The following CNTNAP2 variants were observed in gnomAD, a reference collection of about 807,000 sequenced individuals.
CNTNAP2 encodes the protein contactin associated protein 2, also known as contactin-associated protein-like 2.
Under a neutral mutation model 155.2 loss-of-function variants are expected in CNTNAP2, and 98 were observed. The observed-to-expected ratio is 0.63, with a 90% confidence interval of 0.54 to 0.75. The LOEUF is 0.75. Among genes scored for constraint, CNTNAP2 ranks in the 30% least tolerant of loss-of-function variants. The pLI is 0.00. For synonymous variants in CNTNAP2, 651 were observed against 631.2 expected (o/e 1.03, Z -0.47); for missense variants, 1,727 against 1,688.1 (o/e 1.02, Z -0.40).
chr7:146,979,522 G>A (rs1797974605), intron 3 of CNTNAP2, among the ~76,000 whole-genome samples: 2 of 152,096 alleles, frequency 1.3e-5, no homozygotes, highest in Admixed American at 6.6e-5. Flanking sequence ...ACAATTTAAG[G>A]TTTCACAGCC....
chr7:146,160,242 AAAAATCT>A (rs1798196732), intron 1 of CNTNAP2, among the ~76,000 whole-genome samples: 1 of 152,218 alleles, frequency 6.6e-6, no homozygotes, highest in African/African-American at 2.4e-5. Flanking sequence ...AGAAAGCAGG[AAAAATCT>A]AAAATTGACA....
At chr7:147,833,026 A>T (rs971288204) in intron 13 of CNTNAP2, among the ~76,000 whole-genome samples, 97 of 151,166 alleles carry the variant, frequency 6.4e-4, no homozygotes, top group African/African-American at 2.2e-3. Context: ...TAAATAATTT[A>T]AAAATTTATA....
chr7:146,150,921 T>C (rs1798027469), intron 1 of CNTNAP2, among the ~76,000 whole-genome samples: 1 of 152,068 alleles, frequency 6.6e-6, no homozygotes, highest in Non-Finnish European at 1.5e-5. Context: ...GGGTAATTTA[T>C]AAAGGAAAGA....
chr7:147,123,012 ATATT>A (rs1801152692), intron 6 of CNTNAP2: 1 of 152,296 alleles, frequency 6.6e-6, no homozygotes, highest in South Asian at 2.1e-4. Flanking sequence ...TATACGATAT[ATATT>A]CTTAAATAAA....
At chr7:147,963,814 A>G (rs991611358) in intron 14 of CNTNAP2, among the ~76,000 whole-genome samples, 1 of 152,142 alleles carries the variant, frequency 6.6e-6, no homozygotes, top group Non-Finnish European at 1.5e-5. Flanking sequence ...GCATTGTTAC[A>G]TATTAGTATA....
intron 8 of CNTNAP2, among the ~76,000 whole-genome samples, chr7:147,296,514 A>G (rs1805448776): frequency 6.6e-6 from 1 of 152,252 alleles, no homozygotes; most frequent in Non-Finnish European, 1.5e-5. Flanking sequence ...AAGATAAGAA[A>G]TAACATTTAT....
At chr7:147,141,559 AAC>A (rs1801598018) in intron 8 of CNTNAP2, among the ~76,000 whole-genome samples, 2 of 152,156 alleles carry the variant, frequency 1.3e-5, no homozygotes, top group Non-Finnish European at 2.9e-5. Flanking sequence ...ATTAAAAAAA[AAC>A]ACAGGAATAG....
intron 1 of CNTNAP2, among the ~76,000 whole-genome samples, chr7:146,360,505 C>G (rs1187675371): frequency 1.3e-5 from 2 of 151,588 alleles, no homozygotes; most frequent in Non-Finnish European, 2.9e-5. Flanking sequence ...AATCCAAGTG[C>G]TATGAAGGTT....
chr7:148,166,577 T>A (rs1173899337), intron 17 of CNTNAP2, among the ~76,000 whole-genome samples: 1 of 152,206 alleles, frequency 6.6e-6, no homozygotes, highest in Non-Finnish European at 1.5e-5. Context: ...CTTCTGTGCA[T>A]TTTACAGTTG....
intron 9 of CNTNAP2, among the ~76,000 whole-genome samples, chr7:147,321,671 C>G (rs546703550): frequency 6.6e-6 from 1 of 152,266 alleles, no homozygotes; most frequent in East Asian, 1.9e-4. Flanking sequence ...CCAAGCATTT[C>G]TCTTAACATG....
intron 13 of CNTNAP2, among the ~76,000 whole-genome samples, chr7:147,734,208 G>A (rs539260198): frequency 2.0e-5 from 3 of 152,236 alleles, no homozygotes; most frequent in South Asian, 4.1e-4. Context: ...CTAATTTATT[G>A]AGAGTTTTTA....
At chr7:146,421,337 C>G (rs1796009535) in intron 1 of CNTNAP2, among the ~76,000 whole-genome samples, 1 of 151,942 alleles carries the variant, frequency 6.6e-6, no homozygotes, top group Non-Finnish European at 1.5e-5. Flanking sequence ...AAGCATAATG[C>G]TAGTTGTGAA....
intron 8 of CNTNAP2, among the ~76,000 whole-genome samples, chr7:147,178,789 T>C (rs1294207364): frequency 1.3e-5 from 2 of 152,222 alleles, no homozygotes. Context: ...AATTTCTTGA[T>C]GTAGGTTATG....
At chr7:146,921,211 AATTAT>A (rs1244012005) in intron 3 of CNTNAP2, among the ~76,000 whole-genome samples, 1 of 152,156 alleles carries the variant, frequency 6.6e-6, no homozygotes, top group Non-Finnish European at 1.5e-5. Flanking sequence ...TTGTGGTGGT[AATTAT>A]ATTATGTGTT....
At chr7:148,306,444 C>G (rs2116509101) in intron 21 of CNTNAP2, among the ~76,000 whole-genome samples, 1 of 152,266 alleles carries the variant, frequency 6.6e-6, no homozygotes, top group South Asian at 2.1e-4. Flanking sequence ...TATCAGACCC[C>G]ATGGACTGAT....
chr7:147,061,135 T>C (rs1220682614), intron 4 of CNTNAP2, among the ~76,000 whole-genome samples: 1 of 151,962 alleles, frequency 6.6e-6, no homozygotes, highest in African/African-American at 2.4e-5. Context: ...GAAGAGGAAA[T>C]GTAGAATTAC....
chr7:146,129,491 T>G (rs1211540645), intron 1 of CNTNAP2, among the ~76,000 whole-genome samples: 1 of 152,318 alleles, frequency 6.6e-6, no homozygotes, highest in African/African-American at 2.4e-5. Flanking sequence ...ATTTCCTTCC[T>G]GGAGTTGTAC....
In CNTNAP2 at chr7:147,601,399, A is replaced by AC. The variant is rs371778128; in HGVS notation, c.1898-37706dup. Among the ~76,000 whole-genome samples, 581 of 151,814 alleles carry AC rather than the reference A, an allele frequency of 3.8e-3. 4 individuals carry two copies. The highest frequency in any genetic ancestry group is 0.014 in the African/African-American group (559 of 41,352). ...GTTCTCTGGCGGGCAGGGGTGGGGG[A>AC]CACAAGGTGCTCAGTGGGGGAGCTT... On this transcript the variant is annotated intron_variant, in intron 12 of 23. Transcript: ENST00000361727.
intron 8 of CNTNAP2, among the ~76,000 whole-genome samples, chr7:147,243,842 T>A (rs1468551438): frequency 6.6e-6 from 1 of 152,194 alleles, no homozygotes; most frequent in Non-Finnish European, 1.5e-5. Context: ...CTTCTTTTTT[T>A]AAATAAACTG....
Sources: allele counts gnomAD v4.1 joint callset (sites outside exome capture counted in the v4.1 genomes callset), GRCh38; gene constraint gnomAD v4.1.1; transcripts MANE v1.5; gene names NCBI Gene and HGNC (gene_info 2026-07-23, HGNC 2026-07-21).